The following SLC25A21 variants were observed in gnomAD, a reference collection of about 807,000 sequenced individuals.
SLC25A21 encodes solute carrier family 25 member 21.
In SLC25A21, 47 loss-of-function variants were observed where a neutral mutation model predicts 43.8. The observed-to-expected ratio is 1.07, with a 90% CI of 0.85 to 1.37. The LOEUF (loss-of-function observed/expected upper bound fraction) is 1.37, where lower values mean the gene tolerates loss of function less well. Ranked by LOEUF, SLC25A21 falls within the 40% of genes most tolerant of loss-of-function variation. The probability of loss-of-function intolerance (pLI) is 0.00; values close to 1 mark genes in which losing one functional copy is unlikely to be tolerated. For synonymous variants in SLC25A21, 131 were observed against 121.3 expected (o/e 1.08, Z -0.52); for missense variants, 352 against 350.2 (o/e 1.00, Z -0.04).
At chr14:36,888,430 C>A (rs1890984975) in intron 1 of SLC25A21, among the ~76,000 whole-genome samples, 1 of 152,048 alleles carries the variant, frequency 6.6e-6, no homozygotes, top group South Asian at 2.1e-4. Flanking sequence ...ATTTGCCACT[C>A]TACTGTGCAG....
intron 1 of SLC25A21, among the ~76,000 whole-genome samples, chr14:36,930,367 G>A (rs760570485): frequency 6.6e-5 from 10 of 152,076 alleles, no homozygotes; most frequent in Non-Finnish European, 1.2e-4. Context: ...ATTAATGTTC[G>A]GTATTCCACA....
At chr14:36,934,826 T>C (rs1300408844) in intron 1 of SLC25A21, among the ~76,000 whole-genome samples, 1 of 152,154 alleles carries the variant, frequency 6.6e-6, no homozygotes, top group African/African-American at 2.4e-5. Context: ...CATTAATACT[T>C]ATTAAGCACT....
At chr14:36,915,517 T>C (rs772295206) in intron 1 of SLC25A21, among the ~76,000 whole-genome samples, 8 of 152,140 alleles carry the variant, frequency 5.3e-5, no homozygotes, top group Non-Finnish European at 1.0e-4. Flanking sequence ...TCCATCTTGT[T>C]AGAGCACAAA....
chr14:37,014,075 G>C (rs1019161158), intron 1 of SLC25A21, among the ~76,000 whole-genome samples: 2 of 151,926 alleles, frequency 1.3e-5, no homozygotes, highest in African/African-American at 4.8e-5. Flanking sequence ...CTGGTGGAGG[G>C]TCTTGCCTTC....
At chr14:37,145,478 G>C (rs74047219) in intron 1 of SLC25A21, among the ~76,000 whole-genome samples, 60 of 116,040 alleles carry the variant, frequency 5.2e-4, no homozygotes, top group African/African-American at 2.0e-3. Flanking sequence ...CACACACACA[G>C]AGAGATGAGC....
intron 7 of SLC25A21, among the ~76,000 whole-genome samples, chr14:36,696,573 C>T (rs558564012): frequency 2.6e-5 from 4 of 152,144 alleles, no homozygotes; most frequent in Non-Finnish European, 5.9e-5. Context: ...TTACTTACTG[C>T]CTCAATTTCA....
intron 3 of SLC25A21, among the ~76,000 whole-genome samples, chr14:36,741,173 T>C (rs949750461): frequency 1.5e-4 from 23 of 152,268 alleles, no homozygotes; most frequent in African/African-American, 5.3e-4. Context: ...GTAGAAAATA[T>C]GTGTTTGGGA....
At chr14:36,853,283 G>A (rs534776193) in intron 2 of SLC25A21, among the ~76,000 whole-genome samples, 119 of 151,074 alleles carry the variant, frequency 7.9e-4, no homozygotes, top group African/African-American at 2.8e-3. Flanking sequence ...CTGCCCCAGT[G>A]AATGCTGTAC....
chr14:36,684,379 A>AT (rs1281911624), intron 8 of SLC25A21, among the ~76,000 whole-genome samples: 1 of 152,250 alleles, frequency 6.6e-6, no homozygotes, highest in African/African-American at 2.4e-5. Flanking sequence ...AGAACTCTAT[A>AT]ATTCTCCCAG....
At chr14:37,115,245 C>T (rs1963086425) in intron 1 of SLC25A21, among the ~76,000 whole-genome samples, 1 of 152,166 alleles carries the variant, frequency 6.6e-6, no homozygotes, top group Non-Finnish European at 1.5e-5. Flanking sequence ...GAGGGCAGCA[C>T]CGCCAAGGTC....
At chr14:36,784,109 T>C (rs1481695829) in intron 3 of SLC25A21, among the ~76,000 whole-genome samples, 1 of 152,224 alleles carries the variant, frequency 6.6e-6, no homozygotes, top group Non-Finnish European at 1.5e-5. Flanking sequence ...CTGATGAAAG[T>C]TATTAGTTCT....
chr14:36,694,340 C>A (rs1882924518), intron 7 of SLC25A21, among the ~76,000 whole-genome samples: 1 of 152,122 alleles, frequency 6.6e-6, no homozygotes, highest in South Asian at 2.1e-4. Flanking sequence ...GGTTCCAAGT[C>A]TTTGCTATTG....
intron 1 of SLC25A21, among the ~76,000 whole-genome samples, chr14:36,939,737 T>C (rs1892511054): frequency 2.0e-5 from 3 of 152,072 alleles, no homozygotes; most frequent in African/African-American, 7.2e-5. Flanking sequence ...TCTACTTACG[T>C]TTTATTAAGC....
At chr14:36,938,835 AAAAAAC>A (rs1035948726) in intron 1 of SLC25A21, among the ~76,000 whole-genome samples, 2 of 152,062 alleles carry the variant, frequency 1.3e-5, no homozygotes, top group Middle Eastern at 3.2e-3. Context: ...TAAATTAGTA[AAAAAAC>A]AAAAACAAAA....
intron 1 of SLC25A21, among the ~76,000 whole-genome samples, chr14:36,978,452 T>C (rs1959933096): frequency 6.6e-6 from 1 of 152,220 alleles, no homozygotes; most frequent in African/African-American, 2.4e-5. Flanking sequence ...TAGGTACATG[T>C]TGCTAGGAAA....
intron 1 of SLC25A21, among the ~76,000 whole-genome samples, chr14:37,096,862 T>C (rs576149632): frequency 6.6e-6 from 1 of 152,240 alleles, no homozygotes; most frequent in African/African-American, 2.4e-5. Context: ...TCAGGATTGG[T>C]CAGTCGTAGC....
At chr14:36,917,836 A>C (rs1013260451) in intron 1 of SLC25A21, among the ~76,000 whole-genome samples, 1 of 152,196 alleles carries the variant, frequency 6.6e-6, no homozygotes, top group African/African-American at 2.4e-5. Flanking sequence ...AAAAATACTT[A>C]CAGAGAAAGC....
chr14:37,095,552 C>T (rs1407609583), intron 1 of SLC25A21, among the ~76,000 whole-genome samples: 1 of 151,824 alleles, frequency 6.6e-6, no homozygotes, highest in Non-Finnish European at 1.5e-5. Context: ...AATAACTACA[C>T]TATTCAGTAA....
At position 37,092,464 on chromosome 14, in the gene SLC25A21, C is replaced by T. The variant is rs1244644085; in HGVS notation, c.70+79817G>A. Among the ~76,000 whole-genome samples, 4 of 152,072 alleles carry T rather than the reference C, an allele frequency of 2.6e-5. No homozygotes were observed. The East Asian group carries it at 7.7e-4, about 29-fold the overall frequency. On this transcript the variant is annotated intron_variant, in intron 1 of 9. Coordinates refer to ENST00000331299, the MANE Select transcript of SLC25A21 (RefSeq NM_030631.4). Reference sequence around the variant, plus strand: ...TCCTACCTACCTAGGCTTCTGATTTCCCCCCAGTGTTGTTTAGGTAGGGTT... The same window carrying T: ...TCCTACCTACCTAGGCTTCTGATTTTCCCCCAGTGTTGTTTAGGTAGGGTT...
Sources: gnomAD v4.1 joint callset for allele counts (sites outside exome capture counted in the v4.1 genomes callset) on GRCh38, gnomAD v4.1.1 for gene constraint, MANE v1.5 for transcripts, NCBI Gene and HGNC (gene_info 2026-07-23, HGNC 2026-07-21) for gene names.